Variants in PPP1R9A observed in about 807,000 individuals in gnomAD.
The protein encoded by PPP1R9A is protein phosphatase 1 regulatory subunit 9A, also known as neurabin-1.
PPP1R9A carries 59 observed loss-of-function variants against 141.9 expected under a neutral mutation model. The observed-to-expected ratio is 0.42, with a 90% CI of 0.34 to 0.52. The LOEUF (loss-of-function observed/expected upper bound fraction) is 0.52, where lower values mean the gene tolerates loss of function less well. PPP1R9A is among the 20% of genes least tolerant of loss of function. PPP1R9A has a pLI of 0.10. For missense variants in PPP1R9A, 1,444 were observed against 1,611.9 expected (o/e 0.90, Z 1.78); for synonymous variants, 500 against 569.7 (o/e 0.88, Z 1.74).
intron 18 of PPP1R9A, among the ~76,000 whole-genome samples, chr7:95,287,386 C>T (rs1805548783): frequency 6.6e-6 from 1 of 152,144 alleles, no homozygotes; most frequent in South Asian, 2.1e-4. Flanking sequence ...ATTACATTGA[C>T]ATGGTCCATT....
chr7:95,002,017 G>A (rs1403920398), intron 2 of PPP1R9A, among the ~76,000 whole-genome samples: 1 of 152,140 alleles, frequency 6.6e-6, no homozygotes, highest in African/African-American at 2.4e-5. Flanking sequence ...TTTGTAATAA[G>A]TGCTCTCTCT....
intron 7 of PPP1R9A, among the ~76,000 whole-genome samples, chr7:95,218,167 G>A (rs1373951750): frequency 6.6e-6 from 1 of 152,290 alleles, no homozygotes; most frequent in African/African-American, 2.4e-5. Context: ...GGTATGTAGT[G>A]TCTTTGTTCT....
intron 4 of PPP1R9A, 79 bp downstream of exon 4, chr7:95,120,911 C>A: frequency 6.9e-7 from 1 of 1,456,730 alleles, no homozygotes; most frequent in Non-Finnish European, 9.2e-7. Context: ...TAGCTTTTTG[C>A]TTTTGTTTGT....
chr7:95,034,463 G>A (rs1051615791), intron 2 of PPP1R9A, among the ~76,000 whole-genome samples: 65 of 152,158 alleles, frequency 4.3e-4, no homozygotes, highest in African/African-American at 1.5e-3. Context: ...CTGCCTCCCA[G>A]GTTCAGGTGA....
intron 2 of PPP1R9A, among the ~76,000 whole-genome samples, chr7:95,020,219 G>A (rs754248812): frequency 6.6e-6 from 1 of 152,138 alleles, no homozygotes; most frequent in African/African-American, 2.4e-5. Context: ...AGGGTACAGT[G>A]AGAATTGGAT....
chr7:95,003,707 C>T (rs1173745627), intron 2 of PPP1R9A, among the ~76,000 whole-genome samples: 1 of 152,118 alleles, frequency 6.6e-6, no homozygotes, highest in Non-Finnish European at 1.5e-5. Flanking sequence ...TTAAAATTAC[C>T]AGTGTGATCT....
Position 94,913,212 on chromosome 7 carries a change from T to C in PPP1R9A, c.1395+1704T>C, listed in dbSNP as rs145842099. On this transcript the variant is annotated intron_variant, in intron 2 of 19. Coordinates refer to ENST00000433360, the MANE Select transcript of PPP1R9A (RefSeq NM_001166160.2). The stretch of plus-strand genomic sequence containing the variant: ...ACCAGCCTGTATTTGGGTCCTGTGC[T>C]GCACAAAACATAACTGTGCACTAGT... Among the ~76,000 whole-genome samples the C allele has an allele frequency of 1.1e-4, 17 of 152,294 alleles. No homozygotes were observed. In the East Asian group the frequency reaches 2.9e-3, roughly 26 times the overall value.
chr7:94,922,079 A>G (rs1007137596), intron 2 of PPP1R9A, among the ~76,000 whole-genome samples: 15 of 149,684 alleles, frequency 1.0e-4, no homozygotes, highest in African/African-American at 3.4e-4. Flanking sequence ...TCCTAAAAAA[A>G]TATAATTTTA....
rs899517102 is a variant in PPP1R9A, at chr7:95,293,262, AACTC to A, written c.*2962_*2965del. The stretch of plus-strand genomic sequence containing the variant: ...TGTTTAAGACCATCTCCCTTCAAGT[AACTC>A]ACAGTTTATGTAATACTAATCTCAT... On this transcript the variant is annotated 3_prime_UTR_variant, in exon 20 of 20. Transcript: ENST00000433360. The A allele has an allele frequency of 6.6e-6, 1 of 152,176 alleles. No individual in the cohort carries two copies. The highest frequency in any genetic ancestry group is 1.5e-5 in the Non-Finnish European group (1 of 68,032). The allele number at this position is 152,176 out of a possible 1,614,324, so 9.4% of individuals were successfully genotyped here.
rs1235332486 is a variant in PPP1R9A at position 95,293,828 on chromosome 7, T to A, written c.*3525T>A. The A allele has an allele frequency of 6.6e-6, 1 of 152,170 alleles. No individual in the cohort carries two copies. The highest frequency in any genetic ancestry group is 1.9e-4 in the East Asian group (1 of 5,198). 9.4% of individuals were successfully genotyped at this position (152,170 alleles called of 1,614,324 possible). ...CATTTTATAAAAGGGAAATGAAAAT[T>A]TGCATTTATATAGATACTCTGATTC... On this transcript the variant is annotated 3_prime_UTR_variant, in exon 20 of 20. Transcript: ENST00000433360.
intron 4 of PPP1R9A, among the ~76,000 whole-genome samples, chr7:95,153,556 A>G (rs985026525): frequency 5.3e-5 from 8 of 152,212 alleles, no homozygotes; most frequent in African/African-American, 1.9e-4. Flanking sequence ...AAACACAGCT[A>G]TGTATTTCAG....
intron 9 of PPP1R9A, among the ~76,000 whole-genome samples, chr7:95,248,286 C>A (rs1322341321): frequency 6.7e-6 from 1 of 149,570 alleles, no homozygotes; most frequent in Admixed American, 6.7e-5. Context: ...CCCCAATCAC[C>A]ACCACCACTA....
intron 7 of PPP1R9A, among the ~76,000 whole-genome samples, chr7:95,206,488 A>G (rs1044926462): frequency 6.6e-6 from 1 of 152,188 alleles, no homozygotes; most frequent in Non-Finnish European, 1.5e-5. Flanking sequence ...CAATAAATGC[A>G]CTAATTTTAA....
chr7:94,948,673 A>T (rs1796141190), intron 2 of PPP1R9A, among the ~76,000 whole-genome samples: 1 of 152,124 alleles, frequency 6.6e-6, no homozygotes, highest in African/African-American at 2.4e-5. Flanking sequence ...TCCCAAGCAT[A>T]ATTTTGAAGT....
At chr7:95,072,746 T>C (rs1184332264) in intron 2 of PPP1R9A, among the ~76,000 whole-genome samples, 2 of 107,836 alleles carry the variant, frequency 1.9e-5, no homozygotes, top group Admixed American at 1.4e-4. Flanking sequence ...TAATATAATA[T>C]ATAATATTAT....
At chr7:95,001,011 C>T (rs1011632584) in intron 2 of PPP1R9A, among the ~76,000 whole-genome samples, 2 of 151,926 alleles carry the variant, frequency 1.3e-5, no homozygotes, top group African/African-American at 4.8e-5. Flanking sequence ...TCTTAACATC[C>T]TCATTTAATA....
intron 2 of PPP1R9A, among the ~76,000 whole-genome samples, chr7:95,005,586 C>T (rs1803481376): frequency 1.3e-5 from 2 of 152,194 alleles, no homozygotes; most frequent in African/African-American, 4.8e-5. Flanking sequence ...TACAAACTCA[C>T]CTTGTGAATT....
At chr7:95,137,481 G>C (rs1230171025) in intron 4 of PPP1R9A, among the ~76,000 whole-genome samples, 1 of 147,424 alleles carries the variant, frequency 6.8e-6, no homozygotes, top group Non-Finnish European at 1.5e-5. Flanking sequence ...AAAGCTTTTA[G>C]TTAATGTGAG....
At chr7:94,939,721 G>C (rs1385612366) in intron 2 of PPP1R9A, among the ~76,000 whole-genome samples, 1 of 151,412 alleles carries the variant, frequency 6.6e-6, no homozygotes, top group Non-Finnish European at 1.5e-5. Context: ...AGGATACCAT[G>C]TGTCCCATCC....
Sources: gnomAD v4.1 joint callset for allele counts (sites outside exome capture counted in the v4.1 genomes callset) on GRCh38, gnomAD v4.1.1 for gene constraint, MANE v1.5 for transcripts, NCBI Gene and HGNC (gene_info 2026-07-23, HGNC 2026-07-21) for gene names.